Variants in ACACB observed in about 807,000 individuals in gnomAD.
ACACB encodes acetyl-CoA carboxylase beta.
A neutral mutation model predicts 278.8 loss-of-function variants in ACACB; 209 were observed. The observed-to-expected ratio is 0.75, with a 90% CI of 0.67 to 0.84. ACACB has a LOEUF of 0.84. ACACB is among the 40% of genes least tolerant of loss of function. The pLI is 0.00. For missense variants in ACACB, 2,850 were observed against 3,269.0 expected (o/e 0.87, Z 3.13); for synonymous variants, 1,174 against 1,285.6 (o/e 0.91, Z 1.86).
In ACACB at chr12:109,217,024, G is replaced by A. The variant is rs372103004; in HGVS notation, c.3564+104G>A. ...TGGCTGGGTGCGGTGGCTCATGCCT[G>A]TAATCCCATCACTTTGGGAGGCTGA... On this transcript the variant is annotated intron_variant, in intron 24 of 52. Transcript: ENST00000338432. The A allele has an allele frequency of 2.4e-5, 34 of 1,412,900 alleles. No homozygotes were observed. The African/African-American group carries it at 2.9e-4, about 12-fold the overall frequency. The allele number at this position is 1,412,900 out of a possible 1,614,324, so 87.5% of individuals were successfully genotyped here.
chr12:109,260,401 C>A lies in ACACB; in HGVS notation c.6497-79C>A, dbSNP rs2047347719. 2.6e-6 allele frequency: 4 copies of A among 1,553,582 alleles called. No homozygotes were observed. In the Admixed American group the frequency reaches 6.8e-5, roughly 27 times the overall value. ...CTCAGCTGGGCTCACTCTCCCAGGACCCCCAGGACAACTAGGGCAGTGGGT... is the reference window on the plus strand; with the variant it reads ...CTCAGCTGGGCTCACTCTCCCAGGAACCCCAGGACAACTAGGGCAGTGGGT... On this transcript the variant is annotated intron_variant, in intron 47 of 52. Coordinates refer to ENST00000338432, the MANE Select transcript of ACACB (RefSeq NM_001093.4).
intron 2 of ACACB, among the ~76,000 whole-genome samples, chr12:109,140,411 C>CT (rs1396779225): frequency 6.6e-6 from 1 of 151,778 alleles, no homozygotes; most frequent in East Asian, 1.9e-4. Flanking sequence ...AATCCCAGCA[C>CT]TTTGGGAGGC....
intron 2 of ACACB, among the ~76,000 whole-genome samples, chr12:109,156,961 G>A (rs994480574): frequency 6.6e-6 from 1 of 151,982 alleles, no homozygotes; most frequent in African/African-American, 2.4e-5. Context: ...CCACTGTGGG[G>A]GCACTAAGTG....
At chr12:109,119,899 G>T (rs1375079364) in intron 1 of ACACB, among the ~76,000 whole-genome samples, 1 of 141,198 alleles carries the variant, frequency 7.1e-6, no homozygotes, top group African/African-American at 2.6e-5. Flanking sequence ...CATCTCAGAA[G>T]AAAAAAAAAA....
chr12:109,227,501 G>A lies in ACACB; in HGVS notation c.4001+12G>A, dbSNP rs57864464. Reference sequence around the variant, plus strand: ...TCCCACCCAAACCGGTATGGAGTGGGACACACCCAGGGACGGCCTGTGTTT... The same window carrying A: ...TCCCACCCAAACCGGTATGGAGTGGAACACACCCAGGGACGGCCTGTGTTT... On this transcript the variant is annotated intron_variant, in intron 28 of 52. Transcript: ENST00000338432. 3.3e-3 allele frequency: 5,253 copies of A among 1,610,702 alleles called. 140 individuals carry two copies. In the African/African-American group the frequency reaches 0.056, roughly 17 times the overall value.
At chr12:109,262,535 G>A (rs1336367519) in intron 49 of ACACB, 66 bp downstream of exon 49, 2 of 949,756 alleles carry the variant, frequency 2.1e-6, no homozygotes, top group Non-Finnish European at 3.3e-6. Flanking sequence ...CACTGCTGGG[G>A]GTTTCTAGGA....
At chr12:109,242,757 G>A in intron 37 of ACACB, 165 bp downstream of exon 37, 1 of 747,026 alleles carries the variant, frequency 1.3e-6, no homozygotes, top group East Asian at 2.8e-5. Context: ...GGAGGCCGAG[G>A]AGGGAGGATT....
At chr12:109,172,136 G>T in intron 5 of ACACB, 139 bp from the exon 6 acceptor site, 1 of 862,804 alleles carries the variant, frequency 1.2e-6, no homozygotes, top group Non-Finnish European at 1.9e-6. Context: ...TGGCCAGGCT[G>T]GTCTCGAACT....
intron 32 of ACACB, 71 bp from the exon 33 acceptor site, chr12:109,235,535 A>G (rs2046608828): frequency 1.4e-6 from 2 of 1,470,698 alleles, no homozygotes; most frequent in East Asian, 2.3e-5. Context: ...TACAATCACT[A>G]AATAAGGATG....
intron 2 of ACACB, among the ~76,000 whole-genome samples, chr12:109,152,824 A>G (rs1250908716): frequency 6.6e-6 from 1 of 151,520 alleles, no homozygotes; most frequent in Admixed American, 6.6e-5. Flanking sequence ...TCATATTTTT[A>G]GTAGAGATGG....
Position 109,193,882 on chromosome 12 carries a change from C to T in ACACB, c.2481+153C>T, listed in dbSNP as rs61192233. Among the ~76,000 whole-genome samples, 45 of 152,326 alleles carry T rather than the reference C, an allele frequency of 3.0e-4. 1 individual carries two copies. In the East Asian group the frequency reaches 7.9e-3, roughly 27 times the overall value. ...ATCCCCATGTAGTCCGTGACCTTGA[C>T]ACCTAAACACTTTGGCTTTTAGAAC... On this transcript the variant is annotated intron_variant, in intron 16 of 52. Coordinates refer to ENST00000338432, the MANE Select transcript of ACACB (RefSeq NM_001093.4).
intron 47 of ACACB, among the ~76,000 whole-genome samples, chr12:109,259,584 A>AAC (rs5800844): frequency 2.6e-5 from 2 of 78,112 alleles, no homozygotes; most frequent in African/African-American, 7.9e-5. Context: ...ACAAAAAAAC[A>AAC]AAAAAAAAAC....
At chr12:109,185,814 G>A (rs2044639279) in intron 12 of ACACB, 74 bp downstream of exon 12, 2 of 1,453,656 alleles carry the variant, frequency 1.4e-6, no homozygotes, top group Non-Finnish European at 1.8e-6. Context: ...ATGTTAGCCT[G>A]GGAAGAGACA....
chr12:109,151,321 C>G (rs1487508341), intron 2 of ACACB, among the ~76,000 whole-genome samples: 2 of 151,978 alleles, frequency 1.3e-5, no homozygotes, highest in Admixed American at 1.3e-4. Flanking sequence ...GAAAGAGGAT[C>G]CCTGTCTTTG....
intron 37 of ACACB, among the ~76,000 whole-genome samples, chr12:109,244,021 C>T (rs893353591): frequency 1.6e-4 from 25 of 152,004 alleles, no homozygotes; most frequent in African/African-American, 4.3e-4. Flanking sequence ...TTCTGCACAG[C>T]AAAAGAAACT....
chr12:109,227,541 C>A, intron 28 of ACACB, 52 bp downstream of exon 28: 1 of 1,545,812 alleles, frequency 6.5e-7, no homozygotes, highest in Non-Finnish European at 8.9e-7. Flanking sequence ...TCTTCCTGAC[C>A]TCTGTCGTCC....
At chr12:109,258,164 A>G (rs2047279879) in intron 45 of ACACB, 104 bp from the exon 46 acceptor site, 6 of 759,350 alleles carry the variant, frequency 7.9e-6, no homozygotes, top group Non-Finnish European at 1.3e-5. Flanking sequence ...CCGCCAGATT[A>G]AAAAGAGCAT....
chr12:109,176,361 A>C (rs1736204273), intron 9 of ACACB, 98 bp downstream of exon 9: 1 of 1,095,226 alleles, frequency 9.1e-7, no homozygotes, highest in Non-Finnish European at 1.4e-6. Flanking sequence ...ACAGTCAAGA[A>C]GACATTTGTA....
intron 41 of ACACB, among the ~76,000 whole-genome samples, chr12:109,250,768 A>G (rs1452874530): frequency 6.6e-6 from 1 of 152,186 alleles, no homozygotes. Context: ...AGGCAGAGTG[A>G]GAGACCGAGG....
Sources: allele counts gnomAD v4.1 joint callset (sites outside exome capture counted in the v4.1 genomes callset), GRCh38; gene constraint gnomAD v4.1.1; transcripts MANE v1.5; gene names NCBI Gene and HGNC (gene_info 2026-07-23, HGNC 2026-07-21).